Variants in CAMSAP1 observed in about 807,000 individuals in gnomAD.
CAMSAP1 encodes the protein calmodulin regulated spectrin associated protein 1.
In CAMSAP1, 58 loss-of-function variants were observed where a neutral mutation model predicts 143.5. The ratio of observed to expected loss-of-function variants is 0.40; its 90% CI spans 0.33 to 0.50. The LOEUF is 0.50. CAMSAP1 is among the 20% of genes least tolerant of loss of function. CAMSAP1 has a pLI of 0.45. For synonymous variants in CAMSAP1, 945 were observed against 859.3 expected (o/e 1.10, Z -1.74); for missense variants, 1,969 against 2,115.7 (o/e 0.93, Z 1.36).
At position 135,818,646 on chromosome 9, in the gene CAMSAP1, C is replaced by CCA; in HGVS notation, c.3960-31_3960-30insTG. ...GAGAAACACACGCCCAGACACTGCT[C>CCA]GGTCACGGGGCTTCTTCCACGACGC... On this transcript the variant is annotated intron_variant, in intron 12 of 16. Coordinates refer to ENST00000389532, the MANE Select transcript of CAMSAP1 (RefSeq NM_015447.4). The surrounding 1 kb of genome is among the most constrained non-coding windows in gnomAD (Gnocchi z 7.7). The CCA allele has an allele frequency of 6.2e-7, 1 of 1,604,412 alleles. No homozygotes were observed.
At chr9:135,855,017 A>ATTTTTTTT in intron 5 of CAMSAP1, among the ~76,000 whole-genome samples, 1 of 150,618 alleles carries the variant, frequency 6.6e-6, no homozygotes, top group Non-Finnish European at 1.5e-5. Flanking sequence ...TTTGAGATGG[A>ATTTTTTTT]GCTTCACTCT....
rs1227981504 is a variant in CAMSAP1 at position 135,809,221 on chromosome 9, C to T, written c.*2088G>A. 1 of 152,120 alleles carries T rather than the reference C, an allele frequency of 6.6e-6. No individual in the cohort carries two copies. The highest frequency in any genetic ancestry group is 2.4e-5 in the African/African-American group (1 of 41,372). 9.4% of individuals were successfully genotyped at this position (152,120 alleles called of 1,614,324 possible). A position where few individuals can be genotyped will look rare whatever the true frequency, so the allele number is the denominator to read the frequency against. On this transcript the variant is annotated 3_prime_UTR_variant, in exon 17 of 17. Coordinates refer to ENST00000389532, the MANE Select transcript of CAMSAP1 (RefSeq NM_015447.4). ...TCCAAGCATGAAGAACGCAGGGACGCTTCTGTCAATCATTAGGCGAACACT... is the reference window on the plus strand; with the variant it reads ...TCCAAGCATGAAGAACGCAGGGACGTTTCTGTCAATCATTAGGCGAACACT...
intron 7 of CAMSAP1, among the ~76,000 whole-genome samples, chr9:135,830,294 T>C (rs1835816294): frequency 6.6e-6 from 1 of 152,208 alleles, no homozygotes; most frequent in Non-Finnish European, 1.5e-5. Context: ...AACACCAAGA[T>C]TCAACAGTAT....
At chr9:135,817,432 C>T (rs1394552933) in intron 14 of CAMSAP1, among the ~76,000 whole-genome samples, 1 of 152,176 alleles carries the variant, frequency 6.6e-6, no homozygotes, top group Non-Finnish European at 1.5e-5. Context: ...CACTCTGTTG[C>T]CCAGGCTGGA....
At chr9:135,812,368 T>G (rs1387981369) in intron 16 of CAMSAP1, among the ~76,000 whole-genome samples, 1 of 152,062 alleles carries the variant, frequency 6.6e-6, no homozygotes, top group Non-Finnish European at 1.5e-5. Flanking sequence ...CACACTACAC[T>G]GAGAAACCTC....
chr9:135,853,148 T>G (rs570934068), intron 5 of CAMSAP1, among the ~76,000 whole-genome samples: 13 of 152,290 alleles, frequency 8.5e-5, no homozygotes, highest in Admixed American at 7.2e-4. Context: ...TCCCAGTACC[T>G]TGCCCCTGAG....
At chr9:135,845,544 G>C (rs1238501436) in intron 7 of CAMSAP1, among the ~76,000 whole-genome samples, 1 of 152,128 alleles carries the variant, frequency 6.6e-6, no homozygotes, top group African/African-American at 2.4e-5. Context: ...AAGAAATAAA[G>C]AGTATTCAAA....
At chr9:135,859,923 G>A (rs1217265014) in intron 5 of CAMSAP1, among the ~76,000 whole-genome samples, 1 of 151,492 alleles carries the variant, frequency 6.6e-6, no homozygotes, top group Non-Finnish European at 1.5e-5. Flanking sequence ...AAGCATCCAG[G>A]GCCAGGTGCG....
rs1032172556 is a variant in CAMSAP1, at chr9:135,907,369, G to A, written c.-210C>T. On this transcript the variant is annotated 5_prime_UTR_variant, in exon 1 of 17. Transcript: ENST00000389532. ...ATGCTGCGGGCGCTGAGCCCGAGCG[G>A]AGGAGGTGCCGAGCCCGCGGCCCAA... is the stretch of plus-strand genomic sequence containing the variant. 1 of 169,594 alleles carries A rather than the reference G, an allele frequency of 5.9e-6. No homozygotes were observed. Among genetic ancestry groups the A allele is most frequent in the Non-Finnish European group, 1.2e-5 (1 of 86,280 alleles). 10.5% of individuals were successfully genotyped at this position (169,594 alleles called of 1,614,324 possible). A position where few individuals can be genotyped will look rare whatever the true frequency, so the allele number is the denominator to read the frequency against.
chr9:135,894,811 T>C (rs946322049), intron 1 of CAMSAP1, among the ~76,000 whole-genome samples: 2 of 152,170 alleles, frequency 1.3e-5, no homozygotes, highest in African/African-American at 4.8e-5. Context: ...ACAAACACCA[T>C]GATAAATCAA....
intron 7 of CAMSAP1, among the ~76,000 whole-genome samples, chr9:135,846,287 T>A (rs976989437): frequency 2.6e-5 from 4 of 152,182 alleles, no homozygotes; most frequent in African/African-American, 9.7e-5. Flanking sequence ...GGGAAAGGAT[T>A]CCCTATTTAA....
At chr9:135,875,052 G>A (rs1837694327) in intron 3 of CAMSAP1, among the ~76,000 whole-genome samples, 1 of 152,100 alleles carries the variant, frequency 6.6e-6, no homozygotes, top group African/African-American at 2.4e-5. Flanking sequence ...CATGTCTGTG[G>A]GCTGGAATAT....
intron 11 of CAMSAP1, 132 bp from the exon 12 acceptor site, chr9:135,819,278 T>C: frequency 8.1e-7 from 1 of 1,236,032 alleles, no homozygotes; most frequent in Non-Finnish European, 1.1e-6. Flanking sequence ...TGCTTTTCTC[T>C]AACCGTTACA....
chr9:135,883,040 C>A lies in CAMSAP1; in HGVS notation c.199G>T (p.Asp67Tyr). ...PEDLRDPFYV[D>Y]QYEQEHIKPP... ...TTAATGTGCTCCTGCTCATACTGGT[C>A]AACGTAGAAAGGGTCTCTGAGGTCC... The change falls in exon 2 of 17, where the codon GAC becomes TAC. Residue 67 changes from aspartate (D) to tyrosine (Y), a missense_variant. Asp to Tyr is a radical substitution (Grantham distance 160). This residue lies in a region of CAMSAP1 where 215 missense variants were observed against 196.2 expected (regional missense o/e 1.10). Coordinates refer to ENST00000389532, the MANE Select transcript of CAMSAP1 (RefSeq NM_015447.4). 3 of 1,551,590 alleles carry A rather than the reference C, an allele frequency of 1.9e-6. No homozygotes were observed. The highest frequency in any genetic ancestry group is 2.6e-6 in the Non-Finnish European group (3 of 1,146,988).
chr9:135,839,301 CTGTT>C (rs1387171698), intron 7 of CAMSAP1, among the ~76,000 whole-genome samples: 1 of 152,214 alleles, frequency 6.6e-6, no homozygotes, highest in Non-Finnish European at 1.5e-5. Flanking sequence ...AGCTATGAGT[CTGTT>C]TGTGTCCGTA....
chr9:135,813,002 C>A (rs1383787050), intron 16 of CAMSAP1, among the ~76,000 whole-genome samples: 1 of 152,176 alleles, frequency 6.6e-6, no homozygotes, highest in Non-Finnish European at 1.5e-5. Context: ...CTGCTGATGC[C>A]TGTCGCCGCG....
At chr9:135,849,856 A>AT (rs562095318) in intron 7 of CAMSAP1, 11,044 of 250,382 alleles carry the variant, frequency 0.044, 76 homozygotes, top group Middle Eastern at 0.12. Flanking sequence ...TGTAGTAAAC[A>AT]TTTTTTTTTT....
Position 135,822,194 on chromosome 9 carries a change from G to C in CAMSAP1, c.2467C>G (p.Gln823Glu). Residue 823 changes from glutamine (Q) to glutamate (E), a missense_variant, in exon 11 of 17, where the codon CAG (glutamine) becomes GAG (glutamate). By Grantham distance (29) the Gln-to-Glu change is conservative (BLOSUM62 2). This residue lies in a region of CAMSAP1 where 1,390 missense variants were observed against 1,420.8 expected (regional missense o/e 0.98). Coordinates refer to ENST00000389532, the MANE Select transcript of CAMSAP1 (RefSeq NM_015447.4). This position sits in a 1 kb window ranked among gnomAD's most constrained non-coding sequence, Gnocchi z 6.1. ...TTGGTCTCACAGCTGTTGAGTCTCT[G>C]GAGCTTCCTCTCCGCAAAGCTGGTC... ...KMTSFAERKL[Q>E]RLNSCETKSS... The C allele has an allele frequency of 6.2e-7, 1 of 1,613,944 alleles. No individual in the cohort carries two copies. The highest frequency in any genetic ancestry group is 1.1e-5 in the South Asian group (1 of 91,090).
At chr9:135,815,027 T>C (rs1835181264) in intron 16 of CAMSAP1, 70 bp downstream of exon 16, 3 of 1,139,130 alleles carry the variant, frequency 2.6e-6, no homozygotes, top group Non-Finnish European at 3.9e-6. Flanking sequence ...TGTTTTCTTT[T>C]AAAAAGAACC....
Sources: gnomAD v4.1 joint callset for allele counts (sites outside exome capture counted in the v4.1 genomes callset) on GRCh38, gnomAD v4.1.1 for gene constraint, gnomAD v4.1.1 regional missense constraint, Gnocchi (gnomAD v3.1) non-coding constraint, MANE v1.5 for transcripts, NCBI Gene and HGNC (gene_info 2026-07-23, HGNC 2026-07-21) for gene names.